Variants in NUP133 observed in about 807,000 individuals in gnomAD.
The protein encoded by NUP133 is nuclear pore complex protein Nup133.
NUP133 carries 66 observed loss-of-function variants against 146.2 expected under a neutral mutation model. The observed-to-expected ratio is 0.45, with a 90% confidence interval of 0.37 to 0.55. The LOEUF (loss-of-function observed/expected upper bound fraction) is 0.55, where lower values mean the gene tolerates loss of function less well. Ranked by LOEUF, NUP133 falls within the 20% of genes least tolerant of loss-of-function variation. NUP133 has a pLI of 0.00. For synonymous variants in NUP133, 521 were observed against 498.8 expected, an observed-to-expected ratio of 1.04 and a Z score of -0.59; for missense variants, 1,277 against 1,374.8, an observed-to-expected ratio of 0.93 and a Z score of 1.12.
chr1:229,462,150 C>G (rs930169234), intron 19 of NUP133, among the ~76,000 whole-genome samples: 1 of 152,240 alleles, frequency 6.6e-6, no homozygotes, highest in African/African-American at 2.4e-5. Flanking sequence ...TCCCAAAGTG[C>G]TGGGATTACA....
chr1:229,447,887 G>A (rs945081136), intron 24 of NUP133, among the ~76,000 whole-genome samples: 18 of 152,172 alleles, frequency 1.2e-4, no homozygotes, highest in African/African-American at 3.4e-4. Flanking sequence ...GATGAGACAG[G>A]AGGTCAGCAG....
chr1:229,484,810 G>A (rs1661307759), intron 11 of NUP133, among the ~76,000 whole-genome samples: 2 of 151,880 alleles, frequency 1.3e-5, no homozygotes, highest in Non-Finnish European at 2.9e-5. Context: ...ATCCTTTTTT[G>A]TAATCGTATT....
In NUP133 at chr1:229,502,027, C is replaced by A; in HGVS notation, c.377G>T (p.Trp126Leu). The A allele has an allele frequency of 6.2e-7, 1 of 1,613,706 alleles. No individual in the cohort carries two copies. Among genetic ancestry groups the A allele is most frequent in the Non-Finnish European group, 8.5e-7 (1 of 1,179,684 alleles). ...AGTAATAGGTGACAGAGCAATCTTC[C>A]AAATAATGAGCTTCTCTTTGCACAC... ...CLVCKEKLII[W>L]KIALSPITKL... Residue 126 changes from tryptophan (W) to leucine (L), a missense_variant, in exon 3 of 26, where the codon TGG becomes TTG. Around this residue, in one of 3 missense-constraint regions of NUP133, gnomAD observed 319 missense variants for 306.9 expected, o/e 1.04. Transcript: ENST00000261396.
At position 229,464,837 on chromosome 1, in the gene NUP133, G is replaced by A. The variant is rs781322788; in HGVS notation, c.2338C>T (p.Arg780Cys). 27 of 1,614,042 alleles carry A rather than the reference G, an allele frequency of 1.7e-5. No individual in the cohort carries two copies. The highest frequency in any genetic ancestry group is 9.9e-5 in the South Asian group (9 of 91,070). Residue 780 changes from arginine (R) to cysteine (C), a missense_variant, in exon 18 of 26, where the codon CGC becomes TGC. Physicochemically the swap from Arg to Cys is radical, Grantham distance 180. Coordinates refer to ENST00000261396, the MANE Select transcript of NUP133 (RefSeq NM_018230.3). ...GPGGIRTVII[R>C]QHEIVLKVAY... Reference sequence around the variant, plus strand: ...ACCTTCAGGACAATCTCATGCTGGCGTATTATTACCGTTCGGATGCCACCA... The same window carrying A: ...ACCTTCAGGACAATCTCATGCTGGCATATTATTACCGTTCGGATGCCACCA...
intron 23 of NUP133, 48 bp from the exon 24 acceptor site, chr1:229,449,238 G>C: frequency 8.3e-7 from 1 of 1,210,432 alleles, no homozygotes; most frequent in Non-Finnish European, 1.2e-6. Context: ...GGCTCTGAAA[G>C]AAATACATGC....
intron 22 of NUP133, among the ~76,000 whole-genome samples, chr1:229,451,818 A>G (rs1195933082): frequency 6.6e-6 from 1 of 152,192 alleles, no homozygotes; most frequent in Non-Finnish European, 1.5e-5. Flanking sequence ...ATTAAAATTA[A>G]TAATGCATTA....
intron 1 of NUP133, among the ~76,000 whole-genome samples, chr1:229,507,708 T>G (rs1661980693): frequency 1.3e-5 from 2 of 152,152 alleles, no homozygotes; most frequent in South Asian, 2.1e-4. Flanking sequence ...TCATAATAAC[T>G]CCTCTGGCTC....
chr1:229,473,224 C>T (rs1203183222), intron 14 of NUP133, among the ~76,000 whole-genome samples: 1 of 152,112 alleles, frequency 6.6e-6, no homozygotes, highest in Admixed American at 6.5e-5. Context: ...TGCACTCCAC[C>T]TTGGGCAACA....
rs113139141 is a variant in NUP133 at position 229,476,941 on chromosome 1, CA to C, written c.1756+655del. ...AGACCCTGTTTCCAAAAAAAAAAAA[CA>C]AAAAAAAAAACTGGGATTGGGGGGC... On this transcript the variant is annotated intron_variant, in intron 13 of 25. Coordinates refer to ENST00000261396, the MANE Select transcript of NUP133 (RefSeq NM_018230.3). Among the ~76,000 whole-genome samples the C allele has an allele frequency of 8.2e-4, 108 of 131,614 alleles. 1 individual carries two copies. Among genetic ancestry groups the C allele is most frequent in the African/African-American group, 2.4e-3 (81 of 34,366 alleles). 86.3% of individuals were successfully genotyped at this position (131,614 alleles called of 152,430 possible).
At chr1:229,443,062 C>G (rs1017966250) in intron 25 of NUP133, among the ~76,000 whole-genome samples, 1 of 152,056 alleles carries the variant, frequency 6.6e-6, no homozygotes, top group Non-Finnish European at 1.5e-5. Flanking sequence ...GGTCTCCACT[C>G]TGTCACCCAG....
intron 22 of NUP133, 110 bp from the exon 23 acceptor site, chr1:229,450,715 T>TTTTTTTTG: frequency 2.3e-6 from 1 of 432,604 alleles, no homozygotes; most frequent in African/African-American, 2.8e-5. Context: ...GTAGTTTGTT[T>TTTTTTTTG]TTTGTTTGTT....
Position 229,454,707 on chromosome 1 carries a change from G to A in NUP133, c.2981-2064C>T, listed in dbSNP as rs142970800. On this transcript the variant is annotated intron_variant, in intron 21 of 25. Transcript: ENST00000261396. The stretch of plus-strand genomic sequence containing the variant: ...AAGAAGTGATCAAATGCAAAGCAGG[G>A]AGAAAGAAGAAACAGGAAAGCCTTG... Among the ~76,000 whole-genome samples the A allele has an allele frequency of 1.1e-4, 16 of 152,286 alleles. No homozygotes were observed. The East Asian group carries it at 2.3e-3, about 22-fold the overall frequency.
chr1:229,477,535 CT>C, intron 13 of NUP133, 61 bp downstream of exon 13: 1 of 1,326,398 alleles, frequency 7.5e-7, no homozygotes, highest in Admixed American at 2.4e-5. Flanking sequence ...TTAAGAGATG[CT>C]TCTAATAAAG....
At position 229,450,715 on chromosome 1, in the gene NUP133, TTTTG is replaced by T. The variant is rs145817898; in HGVS notation, c.3100-114_3100-111del. On this transcript the variant is annotated intron_variant, in intron 22 of 25. Transcript: ENST00000261396. ...TCTTGTAAGGAAGTTGTAGTTTGTT[TTTTG>T]TTTGTTTGTTTGTTTGTTTTTTTTG... 4.0e-3 allele frequency: 1,742 copies of T among 432,390 alleles called. 10 individuals carry two copies. The highest frequency in any genetic ancestry group is 7.2e-3 in the Admixed American group (145 of 20,010). 26.8% of individuals were successfully genotyped at this position (432,390 alleles called of 1,614,324 possible). A position where few individuals can be genotyped will look rare whatever the true frequency, so the allele number is the denominator to read the frequency against.
chr1:229,446,269 C>T (rs962649706), intron 24 of NUP133, among the ~76,000 whole-genome samples: 5 of 151,870 alleles, frequency 3.3e-5, no homozygotes, highest in African/African-American at 7.3e-5. Context: ...ATTAGCTGGG[C>T]GTGGTGGCGC....
At chr1:229,460,921 CTCATT>C (rs1660678084) in intron 19 of NUP133, 152 bp from the exon 20 acceptor site, 3 of 647,208 alleles carry the variant, frequency 4.6e-6, no homozygotes, top group South Asian at 4.2e-5. Context: ...ATTCAATCAT[CTCATT>C]TGACAGATGT....
At chr1:229,448,757 G>A (rs1339406359) in intron 24 of NUP133, 2 of 229,292 alleles carry the variant, frequency 8.7e-6, no homozygotes, top group African/African-American at 4.7e-5. Flanking sequence ...TAAATTGGTA[G>A]GTGTGTTTTC....
chr1:229,487,470 T>C lies in NUP133; in HGVS notation c.1338A>G (p.Ala446=), dbSNP rs1661384367. ...SLPQEKIVFN[A]QGDSVLGAGA... ...TTTCTAAAACTGCTACTGTACCTTG[T>C]GCATTAAAGACAATTTTCTCCTGGG... Residue 446 remains alanine (A), a synonymous_variant, in exon 10 of 26, where the codon GCA becomes GCG. Transcript: ENST00000261396. 1 of 1,612,972 alleles carries C rather than the reference T, an allele frequency of 6.2e-7. No homozygotes were observed. The highest frequency in any genetic ancestry group is 8.5e-7 in the Non-Finnish European group (1 of 1,179,806).
chr1:229,449,717 T>C (rs950718434), intron 23 of NUP133, among the ~76,000 whole-genome samples: 1 of 151,254 alleles, frequency 6.6e-6, no homozygotes, highest in African/African-American at 2.4e-5. Context: ...AGTCAACATA[T>C]TATGTTTCTA....
Sources: allele counts gnomAD v4.1 joint callset (sites outside exome capture counted in the v4.1 genomes callset), GRCh38; gene constraint gnomAD v4.1.1; regional missense constraint gnomAD v4.1.1; transcripts MANE v1.5; gene names NCBI Gene and HGNC (gene_info 2026-07-23, HGNC 2026-07-21).